The following FAAH2 variants were observed in gnomAD, a reference collection of about 807,000 sequenced individuals.
The protein encoded by FAAH2 is fatty acid amide hydrolase 2.
In FAAH2, 60 loss-of-function variants were observed where a neutral mutation model predicts 36.9. That is an observed-to-expected ratio of 1.63 (90% CI 1.32 to 2.02). FAAH2 has a LOEUF of 2.02. Among genes scored for constraint, FAAH2 ranks in the 30% most tolerant of loss-of-function variants. The pLI is 0.00. For missense variants in FAAH2, 689 were observed against 397.5 expected (o/e 1.73, Z -6.23); for synonymous variants, 214 against 143.8 (o/e 1.49, Z -3.49).
At chrX:57,135,653 T>G in the FAAH2 span, 3 of 1,043,447 alleles carry the variant, frequency 2.9e-6, no homozygotes, top group Non-Finnish European at 3.8e-6. Flanking sequence ...CAGCATGTCA[T>G]GTATTCACAA....
chrX:57,235,856 A>G, the FAAH2 span, among the ~76,000 whole-genome samples: 531 of 105,757 alleles, frequency 5.0e-3, 2 homozygotes, highest in African/African-American at 0.019. Flanking sequence ...ATAACTTTCA[A>G]GATTGTTATT....
chrX:57,251,139 A>G, the FAAH2 span, among the ~76,000 whole-genome samples: 4 of 112,231 alleles, frequency 3.6e-5, no homozygotes, highest in Non-Finnish European at 7.5e-5. Context: ...GCATATTAAA[A>G]GGATCATACA....
At chrX:57,219,598 A>C in the FAAH2 span, among the ~76,000 whole-genome samples, 1 of 112,121 alleles carries the variant, frequency 8.9e-6, no homozygotes, top group Non-Finnish European at 1.9e-5. Flanking sequence ...CAGGCACCCG[A>C]TAATTATCTA....
chrX:57,373,165 A>G (rs777557418), intron 5 of FAAH2, among the ~76,000 whole-genome samples: 9 of 111,487 alleles, frequency 8.1e-5, no homozygotes, highest in African/African-American at 2.9e-4. Context: ...ATATTTTTGC[A>G]ATTGCAAACT....
At chrX:57,206,033 A>G in the FAAH2 span, among the ~76,000 whole-genome samples, 1 of 111,999 alleles carries the variant, frequency 8.9e-6, no homozygotes, top group Admixed American at 9.5e-5. Flanking sequence ...GAACAATAAC[A>G]CCAGCAGGTG....
intron 7 of FAAH2, chrX:57,395,205 G>A (rs2055265148): frequency 5.5e-6 from 3 of 542,360 alleles, no homozygotes; most frequent in Middle Eastern, 3.3e-4. Context: ...GTAACTTAAT[G>A]TCAGTGGCTT....
chrX:57,425,576 G>T (rs2056141255), intron 7 of FAAH2, among the ~76,000 whole-genome samples: 1 of 111,241 alleles, frequency 9.0e-6, no homozygotes, highest in South Asian at 3.7e-4. Flanking sequence ...AGTTCTTCAT[G>T]AAAAAAACAC....
chrX:57,435,950 A>AGACCTTGTATT (rs1361808505), intron 8 of FAAH2, among the ~76,000 whole-genome samples: 1 of 111,544 alleles, frequency 9.0e-6, no homozygotes, highest in Non-Finnish European at 1.9e-5. Context: ...GACCTTGTAT[A>AGACCTTGTATT]GACCTTGTAT....
intron 8 of FAAH2, among the ~76,000 whole-genome samples, chrX:57,434,008 C>G (rs2056358422): frequency 9.1e-6 from 1 of 109,455 alleles, no homozygotes; most frequent in Non-Finnish European, 1.9e-5. Context: ...AGACTCTGTG[C>G]AAAAGAAATC....
the FAAH2 span, among the ~76,000 whole-genome samples, chrX:57,152,123 T>C: frequency 8.9e-6 from 1 of 111,792 alleles, no homozygotes. Context: ...TGATCATTCC[T>C]CTGGAAGTTT....
chrX:57,178,417 G>T, the FAAH2 span, among the ~76,000 whole-genome samples: 4 of 111,867 alleles, frequency 3.6e-5, no homozygotes, highest in African/African-American at 9.8e-5. Context: ...GCAATAGATT[G>T]CCTGCTACAG....
intron 5 of FAAH2, among the ~76,000 whole-genome samples, chrX:57,350,243 G>A (rs192587931): frequency 4.5e-5 from 5 of 110,918 alleles, no homozygotes; most frequent in African/African-American, 6.5e-5. Context: ...GGCCCTACAA[G>A]AAATGCTCAA....
the FAAH2 span, among the ~76,000 whole-genome samples, chrX:57,237,238 A>G: frequency 1.8e-5 from 2 of 111,456 alleles, no homozygotes; most frequent in Middle Eastern, 4.2e-3. Context: ...TACAAGTACC[A>G]TGCCGTTTTG....
At chrX:57,409,219 T>C (rs1332163488) in intron 7 of FAAH2, among the ~76,000 whole-genome samples, 1 of 111,935 alleles carries the variant, frequency 8.9e-6, no homozygotes, top group African/African-American at 3.2e-5. Context: ...CAGCACATTG[T>C]TGTATTAAAA....
chrX:57,217,528 T>C, the FAAH2 span, among the ~76,000 whole-genome samples: 1 of 112,134 alleles, frequency 8.9e-6, no homozygotes, highest in Admixed American at 9.4e-5. Context: ...GAACTATTTG[T>C]TGAAAAGGGT....
chrX:57,411,224 G>A (rs1317127891), intron 7 of FAAH2, among the ~76,000 whole-genome samples: 5 of 111,831 alleles, frequency 4.5e-5, no homozygotes, highest in Non-Finnish European at 7.5e-5. Flanking sequence ...GCTGCAAAGC[G>A]AGACCTGGTG....
the FAAH2 span, among the ~76,000 whole-genome samples, chrX:57,259,154 G>A: frequency 2.7e-5 from 3 of 111,946 alleles, no homozygotes; most frequent in Admixed American, 2.8e-4. Flanking sequence ...GGATGGAAAT[G>A]TAAATTGGTA....
chrX:57,277,062 C>A, the FAAH2 span, among the ~76,000 whole-genome samples: 1 of 111,598 alleles, frequency 9.0e-6, no homozygotes, highest in Non-Finnish European at 1.9e-5. Context: ...AAAATCCTCC[C>A]TGTCTCATTT....
At chrX:57,224,361 T>C in the FAAH2 span, among the ~76,000 whole-genome samples, 3 of 111,834 alleles carry the variant, frequency 2.7e-5, no homozygotes, top group Admixed American at 2.8e-4. Flanking sequence ...TTCCAAGATG[T>C]CCACGTCACC....
Sources: allele counts gnomAD v4.1 joint callset (sites outside exome capture counted in the v4.1 genomes callset), GRCh38; gene constraint gnomAD v4.1.1; transcripts MANE v1.5; gene names NCBI Gene and HGNC (gene_info 2026-07-23, HGNC 2026-07-21).